SHROOM3: variants seen among roughly 807,000 people sequenced by gnomAD.
The protein encoded by SHROOM3 is shroom family member 3, also known as protein Shroom3.
Under a neutral mutation model 138.6 loss-of-function variants are expected in SHROOM3, and 47 were observed. That is an observed-to-expected ratio of 0.34 (90% confidence interval 0.27 to 0.43). SHROOM3 has a LOEUF of 0.43. Ranked by LOEUF, SHROOM3 falls within the 20% of genes least tolerant of loss-of-function variation. SHROOM3 has a pLI of 1.00. For synonymous variants in SHROOM3, 1,062 were observed against 1,063.3 expected, an observed-to-expected ratio of 1.00 and a Z score of 0.02; for missense variants, 2,491 against 2,596.5, an observed-to-expected ratio of 0.96 and a Z score of 0.88.
chr4:76,525,011 A>G (rs559068145), intron 1 of SHROOM3, among the ~76,000 whole-genome samples: 101 of 152,312 alleles, frequency 6.6e-4, no homozygotes, highest in African/African-American at 2.3e-3. Flanking sequence ...CTACCAAACT[A>G]TCTTCCAGAG....
At chr4:76,638,484 G>A (rs1013194402) in intron 2 of SHROOM3, among the ~76,000 whole-genome samples, 12 of 152,266 alleles carry the variant, frequency 7.9e-5, no homozygotes, top group African/African-American at 2.9e-4. Flanking sequence ...AGGAGTTCAA[G>A]GCTGTAGTAA....
intron 2 of SHROOM3, among the ~76,000 whole-genome samples, chr4:76,643,058 G>T (rs1813754): frequency 0.35 from 52,700 of 151,470 alleles, 9,526 homozygotes; most frequent in East Asian, 0.52. Context: ...AAATACAAAA[G>T]TAGCCGGCCG....
chr4:76,504,316 G>A (rs550381807), intron 1 of SHROOM3, among the ~76,000 whole-genome samples: 41 of 152,158 alleles, frequency 2.7e-4, no homozygotes, highest in African/African-American at 8.9e-4. Flanking sequence ...GCGCCACCAC[G>A]CCTGGCTAAG....
Position 76,755,198 on chromosome 4 carries a change from T to C in SHROOM3, c.4709+6T>C. 6.2e-7 allele frequency: 1 copy of C among 1,612,900 alleles called. No individual in the cohort carries two copies. Among genetic ancestry groups the C allele is most frequent in the Non-Finnish European group, 8.5e-7 (1 of 1,179,542 alleles). On this transcript the variant is annotated splice_donor_region_variant and intron_variant, in intron 7 of 10. Transcript: ENST00000296043. Reference sequence around the variant, plus strand: ...CCCGAGGGGCCACGCCCCAGGTGAGTGAGCAGACTGGGCAGCTTTCCCCCA... The same window carrying C: ...CCCGAGGGGCCACGCCCCAGGTGAGCGAGCAGACTGGGCAGCTTTCCCCCA...
intron 2 of SHROOM3, among the ~76,000 whole-genome samples, chr4:76,695,348 T>A (rs969188627): frequency 1.3e-5 from 2 of 152,216 alleles, no homozygotes; most frequent in Non-Finnish European, 2.9e-5. Context: ...CTATTAGAAT[T>A]TGACCTATGC....
intron 3 of SHROOM3, among the ~76,000 whole-genome samples, chr4:76,720,613 C>CTTTTTTTTTTTTTTTTTTTTTTTTTT (rs35881578): frequency 7.4e-6 from 1 of 135,724 alleles, no homozygotes. Flanking sequence ...TGAATTCTTT[C>CTTTTTTTTTTTTTTTTTTTTTTTTTT]TTTTTTTTTT....
chr4:76,730,743 A>G (rs1263439123), intron 3 of SHROOM3, 61 bp from the exon 4 acceptor site: 2 of 1,610,106 alleles, frequency 1.2e-6, no homozygotes, highest in Admixed American at 1.7e-5. Flanking sequence ...AAGTCACATC[A>G]GTGAGGAGAC....
chr4:76,473,321 G>A (rs1454634991), intron 1 of SHROOM3, among the ~76,000 whole-genome samples: 1 of 152,132 alleles, frequency 6.6e-6, no homozygotes, highest in Non-Finnish European at 1.5e-5. Flanking sequence ...ACTCAACAAT[G>A]ACAAGGCTGG....
At chr4:76,692,488 T>G (rs1271560649) in intron 2 of SHROOM3, among the ~76,000 whole-genome samples, 8 of 152,224 alleles carry the variant, frequency 5.3e-5, no homozygotes, top group Non-Finnish European at 1.0e-4. Flanking sequence ...TACACCAACC[T>G]ATGACCCAAC....
chr4:76,436,117 A>G lies in SHROOM3; in HGVS notation c.65A>G (p.Lys22Arg), dbSNP rs777181372. The G allele has an allele frequency of 6.8e-6, 11 of 1,613,974 alleles. No homozygotes were observed. Among genetic ancestry groups the G allele is most frequent in the Non-Finnish European group, 9.3e-6 (11 of 1,179,952 alleles). ...SATLNSNTAT[K>R]GRYIYLEAFL... ...ACATTAAACTCTAACACGGCCACCA[A>G]GGGAAGGTACATTTATCTGGAGGCA... Residue 22 changes from lysine to arginine, a missense_variant, in exon 1 of 11, where the codon AAG becomes AGG. Around this residue, in one of 4 missense-constraint regions of SHROOM3, gnomAD observed 284 missense variants for 322.8 expected, o/e 0.88. Transcript: ENST00000296043.
intron 2 of SHROOM3, among the ~76,000 whole-genome samples, chr4:76,575,083 A>C (rs1733912048): frequency 6.6e-6 from 1 of 152,268 alleles, no homozygotes; most frequent in African/African-American, 2.4e-5. Flanking sequence ...TTCTCAATAG[A>C]ATGAAGAACA....
chr4:76,462,590 C>G (rs1731161358), intron 1 of SHROOM3, among the ~76,000 whole-genome samples: 1 of 152,034 alleles, frequency 6.6e-6, no homozygotes, highest in African/African-American at 2.4e-5. Context: ...GGTGGATTTT[C>G]CCCTTGCTGT....
Position 76,456,598 on chromosome 4 carries a change from C to A in SHROOM3, c.168+20378C>A, listed in dbSNP as rs1297564562. On this transcript the variant is annotated intron_variant, in intron 1 of 10. Coordinates refer to ENST00000296043, the MANE Select transcript of SHROOM3 (RefSeq NM_020859.4). Reference sequence around the variant, plus strand: ...TGTACAAGTATGTTTAGCTATATATCTAAAAGAGCAAAAACTTCGAAAAAT... The same window carrying A: ...TGTACAAGTATGTTTAGCTATATATATAAAAGAGCAAAAACTTCGAAAAAT... Among the ~76,000 whole-genome samples the A allele has an allele frequency of 3.9e-5, 6 of 152,254 alleles. No homozygotes were observed. In the East Asian group the frequency reaches 7.7e-4, roughly 20 times the overall value.
intron 1 of SHROOM3, among the ~76,000 whole-genome samples, chr4:76,457,263 T>C (rs1292535139): frequency 6.6e-6 from 1 of 152,196 alleles, no homozygotes; most frequent in Non-Finnish European, 1.5e-5. Context: ...ACCTTGGTGC[T>C]GTTCTCATGA....
intron 1 of SHROOM3, among the ~76,000 whole-genome samples, chr4:76,546,704 A>G (rs1189348491): frequency 6.6e-6 from 1 of 152,146 alleles, no homozygotes; most frequent in African/African-American, 2.4e-5. Flanking sequence ...TTGCTTCCAT[A>G]CAATTATCGC....
intron 2 of SHROOM3, among the ~76,000 whole-genome samples, chr4:76,600,614 G>A (rs2110054677): frequency 6.6e-6 from 1 of 152,216 alleles, no homozygotes; most frequent in African/African-American, 2.4e-5. Flanking sequence ...ATCAAGAAAT[G>A]GTCTTGATAA....
At chr4:76,492,841 A>G (rs1731881697) in intron 1 of SHROOM3, among the ~76,000 whole-genome samples, 1 of 152,190 alleles carries the variant, frequency 6.6e-6, no homozygotes, top group Non-Finnish European at 1.5e-5. Context: ...CTGCAGACAG[A>G]GAGCAGGCAA....
At chr4:76,577,103 A>G (rs1733955224) in intron 2 of SHROOM3, among the ~76,000 whole-genome samples, 1 of 152,196 alleles carries the variant, frequency 6.6e-6, no homozygotes, top group South Asian at 2.1e-4. Context: ...GATCTACCTA[A>G]AGTATAAGAA....
chr4:76,492,831 C>T (rs150068019), intron 1 of SHROOM3, among the ~76,000 whole-genome samples: 1 of 152,066 alleles, frequency 6.6e-6, no homozygotes, highest in Non-Finnish European at 1.5e-5. Context: ...GAAAACACTC[C>T]TGCAGACAGA....
Sources: gnomAD v4.1 joint callset for allele counts (sites outside exome capture counted in the v4.1 genomes callset) on GRCh38, gnomAD v4.1.1 for gene constraint, gnomAD v4.1.1 regional missense constraint, MANE v1.5 for transcripts, NCBI Gene and HGNC (gene_info 2026-07-23, HGNC 2026-07-21) for gene names.